Variants in DDX3Y observed in about 807,000 individuals in gnomAD.
DDX3Y encodes DEAD-box helicase 3 Y-linked.
A neutral mutation model predicts 15.1 loss-of-function variants in DDX3Y; 2 were observed. The ratio of observed to expected loss-of-function variants is 0.13; its 90% confidence interval spans 0.05 to 0.42. DDX3Y has a LOEUF of 0.42. Among genes scored for constraint, DDX3Y ranks in the 10% least tolerant of loss-of-function variants. DDX3Y has a pLI of 0.99. For synonymous variants in DDX3Y, 47 were observed against 45.0 expected (o/e 1.04, Z -0.18); for missense variants, 81 against 149.9 (o/e 0.54, Z 2.40).
chrY:12,915,407 T>C, intron 10 of DDX3Y, 180 bp downstream of exon 10: 1 of 179,237 alleles, frequency 5.6e-6, no homozygotes, highest in Admixed American at 1.2e-4. Flanking sequence ...TGAGCTTCAT[T>C]TTAACAATCA....
At position 12,919,608 on chromosome Y, in the gene DDX3Y, A is replaced by C. The variant is rs2053660907; in HGVS notation, c.*1486A>C. On this transcript the variant is annotated 3_prime_UTR_variant, in exon 17 of 17. Coordinates refer to ENST00000336079, the MANE Select transcript of DDX3Y (RefSeq NM_004660.5). Reference sequence around the variant, plus strand: ...TTAGTGTAGGTTTAGACTCTTGTACATTTCTCCCATAACTTTTTACAAAGT... The same window carrying C: ...TTAGTGTAGGTTTAGACTCTTGTACCTTTCTCCCATAACTTTTTACAAAGT... The C allele has an allele frequency of 1.2e-4, 4 of 33,638 alleles. No homozygotes were observed. The South Asian group carries it at 1.9e-3, about 16-fold the overall frequency. 8.4% of individuals were successfully genotyped at this position (33,638 alleles called of 400,897 possible). A position where few individuals can be genotyped will look rare whatever the true frequency, so the allele number is the denominator to read the frequency against.
chrY:12,914,197 T>A (rs2053638267), intron 7 of DDX3Y, among the ~76,000 whole-genome samples: 1 of 34,148 alleles, frequency 2.9e-5, no homozygotes, highest in Admixed American at 2.6e-4. Context: ...ACCCATTGGT[T>A]ACGTCTATAG....
chrY:12,904,863 G>C, upstream of DDX3Y: 4 of 337,322 alleles, frequency 1.2e-5, no homozygotes, highest in South Asian at 9.4e-5. Flanking sequence ...AATAGCTGTA[G>C]GTCCAGTGTA....
Sources: allele counts gnomAD v4.1 joint callset (sites outside exome capture counted in the v4.1 genomes callset), GRCh38; gene constraint gnomAD v4.1.1; transcripts MANE v1.5; gene names NCBI Gene and HGNC (gene_info 2026-07-23, HGNC 2026-07-21).